Variants in DLGAP2 observed in about 807,000 individuals in gnomAD.
DLGAP2 encodes DLG associated protein 2, also known as disks large-associated protein 2.
DLGAP2 carries 26 observed loss-of-function variants against 100.3 expected under a neutral mutation model. The ratio of observed to expected loss-of-function variants is 0.26; its 90% CI spans 0.19 to 0.36. The LOEUF (loss-of-function observed/expected upper bound fraction) is 0.36. Among genes scored for constraint, DLGAP2 ranks in the 10% least tolerant of loss-of-function variants. DLGAP2 has a pLI of 1.00. For synonymous variants in DLGAP2, 886 were observed against 630.1 expected (o/e 1.41, Z -6.08); for missense variants, 1,858 against 1,453.2 (o/e 1.28, Z -4.53).
intron 3 of DLGAP2, among the ~76,000 whole-genome samples, chr8:1,356,723 G>T (rs1801861152): frequency 6.6e-6 from 1 of 152,164 alleles, no homozygotes; most frequent in Non-Finnish European, 1.5e-5. Context: ...TACAGTAAAG[G>T]GTAACAGGCA....
Position 1,640,145 on chromosome 8 carries a change from C to T in DLGAP2, c.1810+7099C>T, listed in dbSNP as rs900668772. ...AATGGTGACATCCTTCAGGCACTGA[C>T]CCAAGGGGAACCCATTTCTCTTCTA... is the stretch of plus-strand genomic sequence containing the variant. On this transcript the variant is annotated intron_variant, in intron 8 of 14. Transcript: ENST00000637795. 2.0e-5 allele frequency among the ~76,000 whole-genome samples: 3 copies of T among 152,306 alleles called. No individual in the cohort carries two copies. The East Asian group carries it at 5.8e-4, about 29-fold the overall frequency.
intron 2 of DLGAP2, among the ~76,000 whole-genome samples, chr8:1,003,766 C>T (rs930865244): frequency 2.6e-5 from 4 of 152,206 alleles, no homozygotes; most frequent in Non-Finnish European, 4.4e-5. Flanking sequence ...CTCATGAGAC[C>T]TGTCCAGCAC....
At chr8:1,048,620 T>G (rs1802585382) in intron 2 of DLGAP2, among the ~76,000 whole-genome samples, 1 of 151,552 alleles carries the variant, frequency 6.6e-6, no homozygotes, top group Non-Finnish European at 1.5e-5. Flanking sequence ...TTGGGCCAAA[T>G]AATTTGAATA....
intron 2 of DLGAP2, among the ~76,000 whole-genome samples, chr8:1,041,408 G>A (rs1802343043): frequency 6.6e-6 from 1 of 152,236 alleles, no homozygotes; most frequent in South Asian, 2.1e-4. Flanking sequence ...AGGCACTCGG[G>A]AGGAGACAGA....
At chr8:1,364,561 G>A (rs76205249) in intron 3 of DLGAP2, among the ~76,000 whole-genome samples, 10,232 of 152,068 alleles carry the variant, frequency 0.067, 539 homozygotes, top group East Asian at 0.23. Context: ...GGCGGGAAGC[G>A]TCTCTCAACT....
intron 1 of DLGAP2, among the ~76,000 whole-genome samples, chr8:864,899 C>G (rs1193891553): frequency 6.6e-6 from 1 of 152,158 alleles, no homozygotes; most frequent in Non-Finnish European, 1.5e-5. Context: ...ATACACCTCC[C>G]TCTTTAAATG....
intron 8 of DLGAP2, among the ~76,000 whole-genome samples, chr8:1,651,977 C>T (rs978159655): frequency 2.6e-5 from 4 of 152,206 alleles, no homozygotes; most frequent in Non-Finnish European, 4.4e-5. Context: ...CAGCCTGCCC[C>T]AGGCACCTAC....
At chr8:871,559 T>A (rs940938849) in intron 1 of DLGAP2, among the ~76,000 whole-genome samples, 1 of 152,220 alleles carries the variant, frequency 6.6e-6, no homozygotes, top group African/African-American at 2.4e-5. Flanking sequence ...TCTTAAAATT[T>A]GAAATCCAAA....
At chr8:1,242,730 G>T (rs544802653) in intron 2 of DLGAP2, among the ~76,000 whole-genome samples, 4 of 152,318 alleles carry the variant, frequency 2.6e-5, no homozygotes, top group Admixed American at 2.0e-4. Flanking sequence ...GTGGATGGAT[G>T]TATGTATGGA....
At chr8:1,357,917 A>G (rs1801894152) in intron 3 of DLGAP2, among the ~76,000 whole-genome samples, 1 of 152,156 alleles carries the variant, frequency 6.6e-6, no homozygotes, top group African/African-American at 2.4e-5. Context: ...TTGGCTCCCC[A>G]CACTGTGAGC....
chr8:1,595,460 G>A (rs11987201), intron 6 of DLGAP2, among the ~76,000 whole-genome samples: 7,074 of 150,876 alleles, frequency 0.047, 538 homozygotes, highest in African/African-American at 0.16. Flanking sequence ...TCAGGAGATC[G>A]AGACCATCCT....
At chr8:1,607,354 G>A (rs1796833380) in intron 6 of DLGAP2, among the ~76,000 whole-genome samples, 1 of 152,124 alleles carries the variant, frequency 6.6e-6, no homozygotes, top group African/African-American at 2.4e-5. Context: ...ATATCCTGGA[G>A]GACAAATGAT....
chr8:809,040 G>A (rs924345240), intron 1 of DLGAP2, among the ~76,000 whole-genome samples: 7 of 151,722 alleles, frequency 4.6e-5, no homozygotes, highest in African/African-American at 1.7e-4. Flanking sequence ...CCAAGTAGCT[G>A]AGATTACAGG....
intron 2 of DLGAP2, among the ~76,000 whole-genome samples, chr8:1,052,680 G>A (rs1202065596): frequency 2.6e-5 from 4 of 152,124 alleles, no homozygotes; most frequent in African/African-American, 4.8e-5. Context: ...GGGGCAGTTT[G>A]TTTTTTCTGG....
At chr8:1,357,953 T>G (rs1287292554) in intron 3 of DLGAP2, among the ~76,000 whole-genome samples, 1 of 152,170 alleles carries the variant, frequency 6.6e-6, no homozygotes, top group Non-Finnish European at 1.5e-5. Flanking sequence ...GCTCCTTTAC[T>G]GCTGAAATTT....
At chr8:1,498,140 A>G (rs1799603686) in intron 3 of DLGAP2, among the ~76,000 whole-genome samples, 1 of 152,160 alleles carries the variant, frequency 6.6e-6, no homozygotes. Context: ...GAGTTAAATT[A>G]TTGTCTGAAG....
At chr8:1,004,572 C>A (rs1304043790) in intron 2 of DLGAP2, among the ~76,000 whole-genome samples, 5 of 152,216 alleles carry the variant, frequency 3.3e-5, no homozygotes, top group African/African-American at 9.6e-5. Context: ...GAGTTTCAGA[C>A]CCTCCTGTAT....
chr8:1,520,383 A>C (rs1431296990), intron 4 of DLGAP2, among the ~76,000 whole-genome samples: 2 of 152,180 alleles, frequency 1.3e-5, no homozygotes, highest in Non-Finnish European at 2.9e-5. Flanking sequence ...CACCCCTCGC[A>C]CTGGCGTGGT....
At chr8:842,006 A>G (rs968829058) in intron 1 of DLGAP2, among the ~76,000 whole-genome samples, 46 of 152,114 alleles carry the variant, frequency 3.0e-4, no homozygotes, top group African/African-American at 1.1e-3. Context: ...CAGTGTGACT[A>G]CGGAAGACAC....
Sources: allele counts gnomAD v4.1 joint callset (sites outside exome capture counted in the v4.1 genomes callset), GRCh38; gene constraint gnomAD v4.1.1; transcripts MANE v1.5; gene names NCBI Gene and HGNC (gene_info 2026-07-23, HGNC 2026-07-21).